Variants in RAPH1 observed in about 807,000 individuals in gnomAD.
The protein encoded by RAPH1 is Ras association (RalGDS/AF-6) and pleckstrin homology domains 1.
Under a neutral mutation model 88.1 loss-of-function variants are expected in RAPH1, and 18 were observed. The observed-to-expected ratio is 0.20, with a 90% CI of 0.14 to 0.30. RAPH1 has a LOEUF of 0.30. RAPH1 is among the 10% of genes least tolerant of loss of function. The pLI is 1.00. For missense variants in RAPH1, 1,448 were observed against 1,543.2 expected (o/e 0.94, Z 1.03); for synonymous variants, 587 against 559.0 (o/e 1.05, Z -0.71).
rs59304139 is a variant in RAPH1, at chr2:203,453,545, C to CAAAAA, written c.1413+880_1413+884dup. Among the ~76,000 whole-genome samples, 16 of 28,272 alleles carry CAAAAA rather than the reference C, an allele frequency of 5.7e-4. 1 individual carries two copies. Among genetic ancestry groups the CAAAAA allele is most frequent in the East Asian group, 2.8e-3 (2 of 702 alleles). 18.5% of individuals were successfully genotyped at this position (28,272 alleles called of 152,430 possible). A position where few individuals can be genotyped will look rare whatever the true frequency, so the allele number is the denominator to read the frequency against. ...TGGGTGACAGAGCAAGACCCTGCCTCAAAAAAAAAAAAAAAAAAAAAAAAA... is the reference window on the plus strand; with the variant it reads ...TGGGTGACAGAGCAAGACCCTGCCTCAAAAAAAAAAAAAAAAAAAAAAAAAAAAAA... On this transcript the variant is annotated intron_variant, in intron 10 of 13. Transcript: ENST00000319170.
chr2:203,479,605 CAAA>C (rs796562365), intron 4 of RAPH1, among the ~76,000 whole-genome samples: 7 of 64,168 alleles, frequency 1.1e-4, no homozygotes, highest in Non-Finnish European at 6.6e-5. Context: ...AAGACTGACT[CAAA>C]AAAAAAAAAA....
At chr2:203,519,211 C>T (rs1215726881) in intron 1 of RAPH1, among the ~76,000 whole-genome samples, 1 of 152,080 alleles carries the variant, frequency 6.6e-6, no homozygotes, top group African/African-American at 2.4e-5. Flanking sequence ...AAACTATAAA[C>T]CATTATCTCA....
At chr2:203,512,235 C>G (rs367722034) in intron 1 of RAPH1, among the ~76,000 whole-genome samples, 5 of 151,496 alleles carry the variant, frequency 3.3e-5, no homozygotes, top group African/African-American at 1.2e-4. Flanking sequence ...TGGAGCCCAG[C>G]CTGGCCAACA....
At position 203,438,426 on chromosome 2, in the gene RAPH1, T is replaced by C. The variant is rs935129208; in HGVS notation, c.*1011A>G. ...TGGGGCACAGGATGTGTATATTTCA[T>C]ATACCAATTGTCTACAGATATGTAA... On this transcript the variant is annotated 3_prime_UTR_variant, in exon 14 of 14. Coordinates refer to ENST00000319170, the MANE Select transcript of RAPH1 (RefSeq NM_213589.3). 3.0e-6 allele frequency: 1 copy of C among 329,144 alleles called. No individual in the cohort carries two copies. Among genetic ancestry groups the C allele is most frequent in the Admixed American group, 4.3e-5 (1 of 23,346 alleles). The allele number at this position is 329,144 out of a possible 1,614,324, so 20.4% of individuals were successfully genotyped here. A position where few individuals can be genotyped will look rare whatever the true frequency, so the allele number is the denominator to read the frequency against.
In RAPH1 at chr2:203,439,636, G is replaced by A; in HGVS notation, c.3554C>T (p.Ser1185Phe). ...TGGTTCTGCTCTGGACATGCGGGAG[G>A]AGAGTGAGCCGTGCCGAGTGATGGA... Reference protein sequence around the residue: ...RKSITRHGSLSSRMSRAEPTA... With the variant: ...RKSITRHGSLFSRMSRAEPTA... The change falls in exon 14 of 14, where the codon TCC becomes TTC. Residue 1185 changes from serine to phenylalanine, a missense_variant. Physicochemically the swap from Ser to Phe is radical, Grantham distance 155 (BLOSUM62 -2). Transcript: ENST00000319170. The A allele has an allele frequency of 1.2e-6, 2 of 1,614,176 alleles. No homozygotes were observed. The highest frequency in any genetic ancestry group is 1.7e-6 in the Non-Finnish European group (2 of 1,180,028).
chr2:203,483,770 T>G (rs547203878), intron 4 of RAPH1, among the ~76,000 whole-genome samples: 2 of 152,204 alleles, frequency 1.3e-5, no homozygotes, highest in South Asian at 2.1e-4. Context: ...AGAGAAAAGG[T>G]GATTTCCTCC....
chr2:203,441,969 G>A (rs2098504656), intron 13 of RAPH1: 3 of 1,491,308 alleles, frequency 2.0e-6, no homozygotes, highest in East Asian at 2.5e-5. Flanking sequence ...CAGTCACACA[G>A]GAATGAATAA....
rs144323587 is a variant in RAPH1, at chr2:203,512,936, T to C, written c.1-17583A>G. Reference sequence around the variant, plus strand: ...ACCGCGCCCGGCCATCCCTTAACATTTTAACACAAATTCTGGTCCATAAGA... The same window carrying C: ...ACCGCGCCCGGCCATCCCTTAACATCTTAACACAAATTCTGGTCCATAAGA... On this transcript the variant is annotated intron_variant, in intron 1 of 13. Transcript: ENST00000319170. Among the ~76,000 whole-genome samples the C allele has an allele frequency of 3.1e-4, 47 of 152,244 alleles. 1 individual carries two copies. The highest frequency in any genetic ancestry group is 3.4e-3 in the Middle Eastern group (1 of 294).
intron 1 of RAPH1, among the ~76,000 whole-genome samples, chr2:203,512,725 C>G (rs138304596): frequency 6.7e-6 from 1 of 149,796 alleles, no homozygotes; most frequent in Non-Finnish European, 1.5e-5. Context: ...CAGGTTCAAG[C>G]GATTCTCCTT....
rs542468008 is a variant in RAPH1 at position 203,478,783 on chromosome 2, C to T, written c.732+10801G>A. ...GGATTACAGGCGTGAGCCACTGCGC[C>T]CAGCCAACATTGTGTATTATATTCC... On this transcript the variant is annotated intron_variant, in intron 4 of 13. Transcript: ENST00000319170. Among the ~76,000 whole-genome samples, 33 of 152,340 alleles carry T rather than the reference C, an allele frequency of 2.2e-4. No individual in the cohort carries two copies. The East Asian group carries it at 6.0e-3, about 28-fold the overall frequency.
At chr2:203,445,054 A>G (rs975344534) in intron 12 of RAPH1, 44 bp from the exon 13 acceptor site, 1 of 1,564,996 alleles carries the variant, frequency 6.4e-7, no homozygotes, top group Non-Finnish European at 8.8e-7. Flanking sequence ...AAGAGTCAGT[A>G]TTCTGACAAT....
intron 6 of RAPH1, 109 bp from the exon 7 acceptor site, chr2:203,460,137 A>T: frequency 1.1e-6 from 1 of 902,234 alleles, no homozygotes; most frequent in Non-Finnish European, 1.7e-6. Flanking sequence ...CTTAACCGAC[A>T]TTTTAGCACC....
At chr2:203,479,925 G>A (rs1687645821) in intron 4 of RAPH1, among the ~76,000 whole-genome samples, 2 of 152,102 alleles carry the variant, frequency 1.3e-5, no homozygotes, top group African/African-American at 2.4e-5. Context: ...TTATCACTAC[G>A]TTCATAAATC....
intron 1 of RAPH1, among the ~76,000 whole-genome samples, chr2:203,532,485 C>CAAGCTT (rs1441824964): frequency 1.3e-5 from 2 of 152,136 alleles, no homozygotes; most frequent in Non-Finnish European, 2.9e-5. Context: ...GTTAAGAATA[C>CAAGCTT]AAGCTTAAGA....
intron 1 of RAPH1, among the ~76,000 whole-genome samples, chr2:203,502,293 G>A (rs926997779): frequency 6.6e-6 from 1 of 152,160 alleles, no homozygotes; most frequent in African/African-American, 2.4e-5. Context: ...TCTTTACCCA[G>A]AGGACAGAGA....
At chr2:203,473,887 A>C (rs965585166) in intron 4 of RAPH1, among the ~76,000 whole-genome samples, 1 of 152,044 alleles carries the variant, frequency 6.6e-6, no homozygotes, top group African/African-American at 2.4e-5. Flanking sequence ...GTATTCAACC[A>C]TTTTTTAGGC....
chr2:203,484,903 T>C (rs1324709362), intron 4 of RAPH1, among the ~76,000 whole-genome samples: 2 of 152,224 alleles, frequency 1.3e-5, no homozygotes, highest in African/African-American at 4.8e-5. Context: ...ACATGCCATC[T>C]TCTGAGGGAG....
At chr2:203,517,359 C>CAAAAAAA (rs71408943) in intron 1 of RAPH1, among the ~76,000 whole-genome samples, 6 of 32,134 alleles carry the variant, frequency 1.9e-4, no homozygotes, top group African/African-American at 3.3e-4. Context: ...CTATGAGAGG[C>CAAAAAAA]AAAAAAAAAA....
rs568067163 is a variant in RAPH1 at position 203,488,857 on chromosome 2, C to T, written c.732+727G>A. Among the ~76,000 whole-genome samples the T allele has an allele frequency of 2.0e-5, 3 of 152,276 alleles. No individual in the cohort carries two copies. The East Asian group carries it at 5.8e-4, about 29-fold the overall frequency. On this transcript the variant is annotated intron_variant, in intron 4 of 13. Coordinates refer to ENST00000319170, the MANE Select transcript of RAPH1 (RefSeq NM_213589.3). The stretch of plus-strand genomic sequence containing the variant: ...TGAAATGGAGGGCCGGGCACAGTGG[C>T]TCACGCCTGTAATCCCAGTACTTTG...
Sources: allele counts gnomAD v4.1 joint callset (sites outside exome capture counted in the v4.1 genomes callset), GRCh38; gene constraint gnomAD v4.1.1; transcripts MANE v1.5; gene names NCBI Gene and HGNC (gene_info 2026-07-23, HGNC 2026-07-21).